Variants in PROM1 observed in about 807,000 individuals in gnomAD.
The protein encoded by PROM1 is prominin 1.
A neutral mutation model predicts 116.9 loss-of-function variants in PROM1; 105 were observed. The observed-to-expected ratio is 0.90, with a 90% confidence interval of 0.77 to 1.06. The LOEUF (loss-of-function observed/expected upper bound fraction) is 1.06, where lower values mean the gene tolerates loss of function less well. Ranked by LOEUF, PROM1 falls within the 50% of genes least tolerant of loss-of-function variation. The probability of loss-of-function intolerance (pLI) is 0.00; values close to 1 mark genes in which losing one functional copy is unlikely to be tolerated. For missense variants in PROM1, 1,122 were observed against 1,045.2 expected, an observed-to-expected ratio of 1.07 and a Z score of -1.01; for synonymous variants, 393 against 387.0, an observed-to-expected ratio of 1.02 and a Z score of -0.18.
Position 15,980,547 on chromosome 4 carries a change from A to C in PROM1, c.2374-10T>G, listed in dbSNP as rs1717565502. The C allele has an allele frequency of 6.8e-7, 1 of 1,460,824 alleles. No individual in the cohort carries two copies. The highest frequency in any genetic ancestry group is 2.0e-5 in the Admixed American group (1 of 49,642). 90.5% of individuals were successfully genotyped at this position (1,460,824 alleles called of 1,614,324 possible). A position where few individuals can be genotyped will look rare whatever the true frequency, so the allele number is the denominator to read the frequency against. Reference sequence around the variant, plus strand: ...CAAACCAAAACAAATTCTAGGAAAAAAAAATCAGAAGAATTAAATGTTTGA... The same window carrying C: ...CAAACCAAAACAAATTCTAGGAAAACAAAATCAGAAGAATTAAATGTTTGA... On this transcript the variant is annotated splice_polypyrimidine_tract_variant and intron_variant, in intron 23 of 27. Transcript: ENST00000447510.
intron 26 of PROM1, chr4:15,976,200 A>C (rs3796860): frequency 0.27 from 120,539 of 444,780 alleles, 18,378 homozygotes; most frequent in South Asian, 0.31. Flanking sequence ...TCAACACTAA[A>C]AGCCCAAGAT....
intron 27 of PROM1, among the ~76,000 whole-genome samples, chr4:15,969,756 T>C (rs1713937793): frequency 6.7e-6 from 1 of 149,342 alleles, no homozygotes; most frequent in African/African-American, 2.5e-5. Flanking sequence ...TTATATTTTT[T>C]AGTAGAGATG....
intron 2 of PROM1, among the ~76,000 whole-genome samples, chr4:16,056,712 C>T (rs1311886191): frequency 6.6e-6 from 1 of 151,588 alleles, no homozygotes; most frequent in Non-Finnish European, 1.5e-5. Flanking sequence ...GTCGTCCAGG[C>T]AAAGGGAATA....
chr4:16,066,186 T>C (rs1251289151), intron 2 of PROM1, among the ~76,000 whole-genome samples: 1 of 152,230 alleles, frequency 6.6e-6, no homozygotes, highest in Non-Finnish European at 1.5e-5. Context: ...TGTGATAATG[T>C]GTTATGGTTG....
chr4:15,997,207 A>G (rs1209203567), intron 15 of PROM1, among the ~76,000 whole-genome samples: 2 of 150,464 alleles, frequency 1.3e-5, no homozygotes, highest in Admixed American at 6.6e-5. Context: ...AAAGAAATGC[A>G]TTTCAATGAA....
chr4:16,067,745 C>T (rs2149541781), intron 2 of PROM1, among the ~76,000 whole-genome samples: 1 of 152,290 alleles, frequency 6.6e-6, no homozygotes, highest in Admixed American at 6.5e-5. Flanking sequence ...TGGGCATAGA[C>T]ACGTCGATTT....
chr4:16,067,465 G>C (rs967125525), intron 2 of PROM1, among the ~76,000 whole-genome samples: 1 of 152,198 alleles, frequency 6.6e-6, no homozygotes, highest in Non-Finnish European at 1.5e-5. Flanking sequence ...AGCTCCTGGT[G>C]CTGTTGACTC....
intron 3 of PROM1, among the ~76,000 whole-genome samples, chr4:16,038,362 C>T (rs543426596): frequency 6.6e-6 from 1 of 152,100 alleles, no homozygotes; most frequent in Non-Finnish European, 1.5e-5. Flanking sequence ...AGAAAAGTAG[C>T]GTAATATTTC....
At chr4:15,978,116 G>A (rs1369313410) in intron 26 of PROM1, among the ~76,000 whole-genome samples, 2 of 152,146 alleles carry the variant, frequency 1.3e-5, no homozygotes, top group East Asian at 3.9e-4. Context: ...CCACCTATGA[G>A]AAAGTGGTCC....
In PROM1 at chr4:15,984,704, T is replaced by C. The variant is rs190883744; in HGVS notation, c.2281-349A>G. ...ATGAACCCTATTGTGGAACTGCACATGCGAGGAATCTCAATTGTGCTCCTT... is the reference window on the plus strand; with the variant it reads ...ATGAACCCTATTGTGGAACTGCACACGCGAGGAATCTCAATTGTGCTCCTT... On this transcript the variant is annotated intron_variant, in intron 22 of 27. Transcript: ENST00000447510. Among the ~76,000 whole-genome samples the C allele has an allele frequency of 2.5e-3, 388 of 152,364 alleles. 1 individual carries two copies. Among genetic ancestry groups the C allele is most frequent in the Middle Eastern group, 0.024 (7 of 294 alleles).
chr4:15,987,787 C>T, intron 19 of PROM1, 71 bp from the exon 20 acceptor site: 2 of 1,288,274 alleles, frequency 1.6e-6, no homozygotes, highest in South Asian at 1.3e-5. Flanking sequence ...TGTGTCCTCC[C>T]TTCCCACAAG....
chr4:15,979,443 C>G lies in PROM1; in HGVS notation c.2534G>C (p.Gly845Ala), dbSNP rs1012374414. The G allele has an allele frequency of 3.7e-6, 6 of 1,610,788 alleles. No individual in the cohort carries two copies. The African/African-American group carries it at 6.7e-5, about 18-fold the overall frequency. The change falls in exon 26 of 28, where the codon GGT becomes GCT. Residue 845 changes from glycine to alanine, a missense_variant. Gly to Ala is a moderately conservative substitution (Grantham distance 60). Coordinates refer to ENST00000447510, the MANE Select transcript of PROM1 (RefSeq NM_006017.3). ...PMKNMENGNNGYHKDHVYGIH... is the reference protein window; with the variant it reads ...PMKNMENGNNAYHKDHVYGIH... Reference sequence around the variant, plus strand: ...ACCATATACATGATCTTTATGATAACCATTATTACCATTTTCCATACTGTA... The same window carrying G: ...ACCATATACATGATCTTTATGATAAGCATTATTACCATTTTCCATACTGTA...
At chr4:15,993,868 CTTTT>C in intron 16 of PROM1, 115 bp downstream of exon 16, 1 of 1,488,380 alleles carries the variant, frequency 6.7e-7, no homozygotes, top group Non-Finnish European at 8.9e-7. Context: ...CCAAACATCA[CTTTT>C]AAATAGTTAA....
chr4:16,013,210 C>A, intron 11 of PROM1, 65 bp downstream of exon 11: 1 of 1,296,664 alleles, frequency 7.7e-7, no homozygotes, highest in South Asian at 1.3e-5. Context: ...CAATGCAATA[C>A]TTGGCAACAC....
At chr4:16,000,650 C>G in intron 13 of PROM1, 31 bp from the exon 14 acceptor site, 1 of 1,501,596 alleles carries the variant, frequency 6.7e-7, no homozygotes, top group Non-Finnish European at 9.1e-7. Flanking sequence ...AGTAATTCAA[C>G]AAAGAATGAT....
At chr4:15,978,664 G>T (rs138046286) in intron 26 of PROM1, among the ~76,000 whole-genome samples, 28 of 152,350 alleles carry the variant, frequency 1.8e-4, no homozygotes, top group African/African-American at 6.0e-4. Context: ...GGGCTCGGGG[G>T]AGCACTGGCG....
At chr4:15,973,862 T>C (rs546219595) in intron 26 of PROM1, among the ~76,000 whole-genome samples, 43 of 152,252 alleles carry the variant, frequency 2.8e-4, no homozygotes, top group Admixed American at 2.2e-3. Context: ...CCTGAGTCTA[T>C]CTGCAAAAGA....
intron 15 of PROM1, among the ~76,000 whole-genome samples, chr4:15,998,079 G>A (rs143196221): frequency 1.8e-3 from 271 of 152,262 alleles, no homozygotes; most frequent in Middle Eastern, 3.4e-3. Context: ...AGAGCAATGT[G>A]GTTCTTGAAC....
intron 19 of PROM1, 98 bp downstream of exon 19, chr4:15,989,634 G>A: frequency 9.8e-7 from 1 of 1,021,720 alleles, no homozygotes; most frequent in Non-Finnish European, 1.5e-6. Context: ...TGGGACCTAT[G>A]AGAGATGAGC....
Sources: gnomAD v4.1 joint callset for allele counts (sites outside exome capture counted in the v4.1 genomes callset) on GRCh38, gnomAD v4.1.1 for gene constraint, MANE v1.5 for transcripts, NCBI Gene and HGNC (gene_info 2026-07-23, HGNC 2026-07-21) for gene names.